Variants in ANKRD27 observed in about 807,000 individuals in gnomAD.
ANKRD27 encodes the protein ankyrin repeat domain 27.
In ANKRD27, 112 loss-of-function variants were observed where a neutral mutation model predicts 129.7. The ratio of observed to expected loss-of-function variants is 0.86; its 90% CI spans 0.74 to 1.01. The LOEUF (loss-of-function observed/expected upper bound fraction) is 1.01, where lower values mean the gene tolerates loss of function less well. Among genes scored for constraint, ANKRD27 ranks in the 50% least tolerant of loss-of-function variants. ANKRD27 has a pLI of 0.00. For synonymous variants in ANKRD27, 516 were observed against 511.2 expected, an observed-to-expected ratio of 1.01 and a Z score of -0.13; for missense variants, 1,258 against 1,300.5, an observed-to-expected ratio of 0.97 and a Z score of 0.50.
chr19:32,644,512 A>G, intron 4 of ANKRD27, 33 bp from the exon 5 acceptor site: 1 of 1,605,954 alleles, frequency 6.2e-7, no homozygotes. Flanking sequence ...AGGCCGGCTG[A>G]AGCCTCTGCT....
rs11413532 is a variant in ANKRD27 at position 32,622,772 on chromosome 19, AT to A, written c.1630-154del. ...TGATCAGGACACCTCATTCTCATTC[AT>A]TTTTTTTTTCTTTTTCTTTTTTGAG... On this transcript the variant is annotated intron_variant, in intron 17 of 28. Transcript: ENST00000306065. Among the ~76,000 whole-genome samples the A allele has an allele frequency of 2.7e-3, 395 of 147,462 alleles. 1 individual carries two copies. Among genetic ancestry groups the A allele is most frequent in the African/African-American group, 9.4e-3 (377 of 40,170 alleles).
At chr19:32,665,029 A>G (rs1967723903) in intron 1 of ANKRD27, among the ~76,000 whole-genome samples, 1 of 151,962 alleles carries the variant, frequency 6.6e-6, no homozygotes, top group Non-Finnish European at 1.5e-5. Context: ...CTCGATTCAT[A>G]CTAGCCACAT....
chr19:32,608,323 T>A, intron 22 of ANKRD27: 1 of 256,114 alleles, frequency 3.9e-6, no homozygotes, highest in Non-Finnish European at 8.0e-6. Context: ...TTTCACTTTT[T>A]TTTTTTTCAC....
chr19:32,670,777 T>C (rs13313710), intron 1 of ANKRD27, among the ~76,000 whole-genome samples: 7,775 of 150,988 alleles, frequency 0.051, 278 homozygotes, highest in African/African-American at 0.092. Context: ...GCTGATCACT[T>C]GAGATGGAGT....
intron 3 of ANKRD27, among the ~76,000 whole-genome samples, chr19:32,649,440 CAG>C (rs941368809): frequency 2.0e-5 from 3 of 152,230 alleles, no homozygotes; most frequent in African/African-American, 4.8e-5. Flanking sequence ...ATCACGGGAT[CAG>C]AGAGAGATGC....
At chr19:32,632,358 C>T (rs961856374) in intron 12 of ANKRD27, among the ~76,000 whole-genome samples, 9 of 148,942 alleles carry the variant, frequency 6.0e-5, no homozygotes, top group East Asian at 2.0e-4. Flanking sequence ...GGCCGAGGCG[C>T]GTGGATCACT....
intron 24 of ANKRD27, 121 bp downstream of exon 24, chr19:32,605,714 A>G (rs1971722208): frequency 1.5e-6 from 2 of 1,351,606 alleles, no homozygotes; most frequent in Admixed American, 4.1e-5. Flanking sequence ...CTCTCCCCAG[A>G]GGCCTGGGGT....
At chr19:32,614,882 C>G (rs1179873826) in intron 22 of ANKRD27, among the ~76,000 whole-genome samples, 3 of 152,086 alleles carry the variant, frequency 2.0e-5, no homozygotes, top group African/African-American at 7.2e-5. Context: ...ATGTTGATAT[C>G]CTGGCTGTGA....
chr19:32,661,594 C>G (rs535060987), intron 1 of ANKRD27, among the ~76,000 whole-genome samples: 1 of 152,258 alleles, frequency 6.6e-6, no homozygotes, highest in South Asian at 2.1e-4. Context: ...CCTCCCACCT[C>G]AGCCTCCCAA....
intron 20 of ANKRD27, among the ~76,000 whole-genome samples, chr19:32,618,529 C>A (rs1185606569): frequency 6.6e-6 from 1 of 151,960 alleles, no homozygotes; most frequent in African/African-American, 2.4e-5. Context: ...AGGGTGGACA[C>A]CCCTCCCAGG....
chr19:32,668,818 C>T (rs974508270), intron 1 of ANKRD27, among the ~76,000 whole-genome samples: 1 of 151,958 alleles, frequency 6.6e-6, no homozygotes, highest in African/African-American at 2.4e-5. Flanking sequence ...CCTCAGCTCC[C>T]CCTAAGTGCT....
Position 32,607,710 on chromosome 19 carries a change from G to A in ANKRD27, c.2298C>T (p.His766=), listed in dbSNP as rs753684898. The A allele has an allele frequency of 5.6e-5, 91 of 1,612,938 alleles. 1 individual carries two copies. The highest frequency in any genetic ancestry group is 6.8e-5 in the Non-Finnish European group (80 of 1,179,712). Residue 766 remains histidine, a synonymous_variant, in exon 23 of 29, where the codon CAC becomes CAT. Transcript: ENST00000306065. The part of the protein sequence containing the change: ...RADLIPLLLK[H]GANAGARNAD... ...CGTTCCTGGCACCTGCGTTGGCCCC[G>A]TGCTTCAGCAGGAGGGGGATGAGGT...
intron 10 of ANKRD27, 80 bp downstream of exon 10, chr19:32,641,944 C>A: frequency 6.8e-7 from 1 of 1,475,954 alleles, no homozygotes; most frequent in South Asian, 1.4e-5. Flanking sequence ...CATAAAAATC[C>A]CTTAAGACAG....
intron 12 of ANKRD27, chr19:32,636,060 C>T (rs1409057489): frequency 6.5e-6 from 1 of 153,044 alleles, no homozygotes; most frequent in Non-Finnish European, 1.5e-5. Context: ...TGCACTGCTG[C>T]ACCCGTGACC....
intron 1 of ANKRD27, among the ~76,000 whole-genome samples, chr19:32,670,605 C>T (rs758070692): frequency 7.2e-5 from 11 of 152,026 alleles, no homozygotes; most frequent in Non-Finnish European, 1.3e-4. Context: ...ACCCAGGAGG[C>T]GGAGGTTGCA....
rs1184844219 is a variant in ANKRD27 at position 32,649,719 on chromosome 19, A to G, written c.176T>C (p.Ile59Thr). The G allele has an allele frequency of 1.9e-6, 3 of 1,613,968 alleles. No individual in the cohort carries two copies. The highest frequency in any genetic ancestry group is 2.5e-6 in the Non-Finnish European group (3 of 1,179,886). ...GGTCTGAAAATGCTCTTCCACAGGT[A>G]TCAAAATGTAGGACTCAAACTGACA... ...STCQFESYIL[I>T]PVEEHFQTLN... is the part of the protein sequence containing the mutation. The change falls in exon 3 of 29, where the codon ATA (isoleucine) becomes ACA (threonine). Residue 59 changes from isoleucine (I) to threonine (T), a missense_variant. Transcript: ENST00000306065.
At chr19:32,666,710 T>C (rs1384860554) in intron 1 of ANKRD27, among the ~76,000 whole-genome samples, 1 of 147,550 alleles carries the variant, frequency 6.8e-6, no homozygotes, top group Non-Finnish European at 1.5e-5. Context: ...AGTGGTGCAA[T>C]CTCGGCTCAC....
At chr19:32,663,058 A>G (rs1353308467) in intron 1 of ANKRD27, among the ~76,000 whole-genome samples, 2 of 152,220 alleles carry the variant, frequency 1.3e-5, no homozygotes, top group African/African-American at 4.8e-5. Flanking sequence ...AAAACAAAAC[A>G]AAAAGTCTTA....
intron 22 of ANKRD27, among the ~76,000 whole-genome samples, chr19:32,610,283 C>G (rs1971815109): frequency 6.6e-6 from 1 of 151,742 alleles, no homozygotes; most frequent in African/African-American, 2.4e-5. Flanking sequence ...GCACTCCAGC[C>G]TGGCGACAGA....
Sources: gnomAD v4.1 joint callset for allele counts (sites outside exome capture counted in the v4.1 genomes callset) on GRCh38, gnomAD v4.1.1 for gene constraint, MANE v1.5 for transcripts, NCBI Gene and HGNC (gene_info 2026-07-23, HGNC 2026-07-21) for gene names.